The following CACNA2D3 variants were observed in gnomAD, a reference collection of about 807,000 sequenced individuals.
CACNA2D3 encodes voltage-dependent calcium channel subunit alpha-2/delta-3.
A neutral mutation model predicts 160.6 loss-of-function variants in CACNA2D3; 60 were observed. That is an observed-to-expected ratio of 0.37 (90% confidence interval 0.30 to 0.46). The LOEUF is 0.46. Ranked by LOEUF, CACNA2D3 falls within the 20% of genes least tolerant of loss-of-function variation. The pLI is 1.00. For missense variants in CACNA2D3, 1,205 were observed against 1,365.0 expected, an observed-to-expected ratio of 0.88 and a Z score of 1.85; for synonymous variants, 558 against 492.9, an observed-to-expected ratio of 1.13 and a Z score of -1.75.
chr3:54,302,360 T>C (rs1383094323), intron 2 of CACNA2D3, among the ~76,000 whole-genome samples: 5 of 152,194 alleles, frequency 3.3e-5, no homozygotes, highest in Non-Finnish European at 7.3e-5. Context: ...GTATTTAAAA[T>C]ACCCTTTGTT....
chr3:54,800,662 C>T (rs1702964024), intron 13 of CACNA2D3, among the ~76,000 whole-genome samples: 1 of 152,188 alleles, frequency 6.6e-6, no homozygotes, highest in Admixed American at 6.5e-5. Context: ...GCACATTTTT[C>T]AGCATCTCAA....
intron 3 of CACNA2D3, among the ~76,000 whole-genome samples, chr3:54,332,331 G>T (rs1335705689): frequency 6.6e-6 from 1 of 152,200 alleles, no homozygotes; most frequent in East Asian, 1.9e-4. Context: ...TGTTTGTCAT[G>T]TGTACAACTT....
At chr3:54,479,283 A>C (rs1253425977) in intron 4 of CACNA2D3, among the ~76,000 whole-genome samples, 1 of 152,192 alleles carries the variant, frequency 6.6e-6, no homozygotes, top group Non-Finnish European at 1.5e-5. Flanking sequence ...TGAGTCAATT[A>C]AACCTCTTTC....
At chr3:54,200,931 T>A (rs1044998137) in intron 2 of CACNA2D3, among the ~76,000 whole-genome samples, 1 of 152,240 alleles carries the variant, frequency 6.6e-6, no homozygotes, top group South Asian at 2.1e-4. Flanking sequence ...GTTATTGTTA[T>A]ATTTTGTGGG....
chr3:54,341,304 A>G (rs559009410), intron 3 of CACNA2D3, among the ~76,000 whole-genome samples: 8 of 152,328 alleles, frequency 5.3e-5, no homozygotes, highest in Non-Finnish European at 1.2e-4. Context: ...GTGGCTGATC[A>G]GTCATCCTGA....
chr3:54,820,885 T>C lies in CACNA2D3; in HGVS notation c.1398+4015T>C, dbSNP rs565592126. On this transcript the variant is annotated intron_variant, in intron 14 of 37. Coordinates refer to ENST00000474759, the MANE Select transcript of CACNA2D3 (RefSeq NM_018398.3). ...TATTGAACAAAATAGTCCCTTTTTC[T>C]AGCTGCATTTTTCTTCACGTAGATT... Among the ~76,000 whole-genome samples the C allele has an allele frequency of 2.1e-3, 320 of 152,346 alleles. 1 individual carries two copies. Among genetic ancestry groups the C allele is most frequent in the Non-Finnish European group, 3.8e-3 (257 of 68,030 alleles).
Position 54,900,964 on chromosome 3 carries a change from G to A in CACNA2D3, c.2449+1096G>A, listed in dbSNP as rs577784295. 2.0e-5 allele frequency among the ~76,000 whole-genome samples: 3 copies of A among 152,302 alleles called. No individual in the cohort carries two copies. In the East Asian group the frequency reaches 5.8e-4, roughly 29 times the overall value. ...GGTGTGACAAGGATGACAGCCTTAT[G>A]TATCTGACCTGTGGCTCATCTTGAA... On this transcript the variant is annotated intron_variant, in intron 27 of 37. Transcript: ENST00000474759.
chr3:54,593,074 CAG>C (rs1430399620), intron 9 of CACNA2D3, among the ~76,000 whole-genome samples: 2 of 152,104 alleles, frequency 1.3e-5, no homozygotes, highest in African/African-American at 2.4e-5. Context: ...ACGAAGTTTG[CAG>C]AGAGAACAAA....
intron 32 of CACNA2D3, among the ~76,000 whole-genome samples, chr3:55,007,319 C>T (rs543016754): frequency 3.9e-5 from 6 of 152,138 alleles, no homozygotes; most frequent in South Asian, 2.1e-4. Flanking sequence ...AATTCGTGGA[C>T]GGCATTAAAA....
chr3:54,386,450 A>G (rs148318810), intron 3 of CACNA2D3, among the ~76,000 whole-genome samples: 21 of 152,334 alleles, frequency 1.4e-4, no homozygotes, highest in African/African-American at 4.3e-4. Flanking sequence ...CTGAATTGTT[A>G]GGTAAATGGA....
chr3:54,997,330 G>C (rs984268349), intron 31 of CACNA2D3, among the ~76,000 whole-genome samples: 14 of 152,106 alleles, frequency 9.2e-5, no homozygotes, highest in African/African-American at 3.4e-4. Context: ...ATTCCTTAGG[G>C]AGCTTAAAAA....
intron 35 of CACNA2D3, among the ~76,000 whole-genome samples, chr3:55,041,873 A>G (rs951087868): frequency 1.3e-5 from 2 of 152,014 alleles, no homozygotes; most frequent in Non-Finnish European, 2.9e-5. Flanking sequence ...TGTAGTTTAA[A>G]TATTTTCTAA....
At chr3:54,540,316 A>G (rs1335040741) in intron 5 of CACNA2D3, among the ~76,000 whole-genome samples, 1 of 152,224 alleles carries the variant, frequency 6.6e-6, no homozygotes, top group East Asian at 1.9e-4. Context: ...TGTTGACCTC[A>G]AGTAAGAAAC....
At chr3:54,213,066 C>T (rs1317784642) in intron 2 of CACNA2D3, among the ~76,000 whole-genome samples, 1 of 152,122 alleles carries the variant, frequency 6.6e-6, no homozygotes, top group Non-Finnish European at 1.5e-5. Flanking sequence ...AGAATCTCCA[C>T]CATCAATTGT....
intron 2 of CACNA2D3, among the ~76,000 whole-genome samples, chr3:54,142,900 G>A (rs1699962749): frequency 6.6e-6 from 1 of 152,104 alleles, no homozygotes. Flanking sequence ...CATTTGTGGA[G>A]TTGTATCTGT....
intron 17 of CACNA2D3, among the ~76,000 whole-genome samples, chr3:54,848,699 T>A (rs146334575): frequency 0.011 from 1,741 of 152,348 alleles, 33 homozygotes; most frequent in African/African-American, 0.04. Context: ...AGACGCAGCA[T>A]AGTGGGAGGG....
At chr3:54,161,443 G>A (rs563449521) in intron 2 of CACNA2D3, among the ~76,000 whole-genome samples, 1 of 152,344 alleles carries the variant, frequency 6.6e-6, no homozygotes, top group Admixed American at 6.5e-5. Flanking sequence ...CCTTGGAGGG[G>A]CACCTACCAG....
At chr3:54,358,201 A>G (rs998367869) in intron 3 of CACNA2D3, among the ~76,000 whole-genome samples, 2 of 152,242 alleles carry the variant, frequency 1.3e-5, no homozygotes, top group Non-Finnish European at 2.9e-5. Context: ...ATTTTTCTGT[A>G]AACTTAAAAT....
chr3:54,795,482 T>C (rs1410167226), intron 13 of CACNA2D3, among the ~76,000 whole-genome samples: 1 of 152,172 alleles, frequency 6.6e-6, no homozygotes, highest in Admixed American at 6.6e-5. Context: ...ATGGTGGGCA[T>C]TATGTTTCTG....
Sources: gnomAD v4.1 joint callset for allele counts (sites outside exome capture counted in the v4.1 genomes callset) on GRCh38, gnomAD v4.1.1 for gene constraint, MANE v1.5 for transcripts, NCBI Gene and HGNC (gene_info 2026-07-23, HGNC 2026-07-21) for gene names.